LRP5: variants seen among roughly 807,000 people sequenced by gnomAD.
The protein encoded by LRP5 is LDL receptor related protein 5, also known as low-density lipoprotein receptor-related protein 5.
A neutral mutation model predicts 154.1 loss-of-function variants in LRP5; 62 were observed. That is an observed-to-expected ratio of 0.40 (90% CI 0.33 to 0.50). The LOEUF (loss-of-function observed/expected upper bound fraction) is 0.50, where lower values mean the gene tolerates loss of function less well. LRP5 is among the 20% of genes least tolerant of loss of function. The pLI is 0.55. For synonymous variants in LRP5, 966 were observed against 1,011.5 expected (o/e 0.96, Z 0.85); for missense variants, 1,915 against 2,336.7 (o/e 0.82, Z 3.72).
the LRP5 span, among the ~76,000 whole-genome samples, chr11:68,302,345 CAAAA>C: frequency 9.5e-5 from 8 of 84,424 alleles, no homozygotes; most frequent in Non-Finnish European, 6.7e-5. Flanking sequence ...GACTCCATCT[CAAAA>C]AAAAAAAAAA....
chr11:68,348,261 T>C lies in LRP5; in HGVS notation c.488+18T>C. ...GCTCACGGGTAAACCCTGCTGCGACTCCACCTGGGTCCAGGGGGCGGGGAG... is the reference window on the plus strand; with the variant it reads ...GCTCACGGGTAAACCCTGCTGCGACCCCACCTGGGTCCAGGGGGCGGGGAG... On this transcript the variant is annotated intron_variant, in intron 2 of 22. Transcript: ENST00000294304. 6.2e-7 allele frequency: 1 copy of C among 1,601,790 alleles called. No individual in the cohort carries two copies. The highest frequency in any genetic ancestry group is 2.2e-5 in the East Asian group (1 of 44,878).
intron 1 of LRP5, among the ~76,000 whole-genome samples, chr11:68,344,236 T>C (rs577121375): frequency 1.5e-4 from 23 of 152,330 alleles, no homozygotes; most frequent in African/African-American, 5.1e-4. Context: ...ATAAATGCCT[T>C]AGCTGTGACC....
chr11:68,411,772 C>T lies in LRP5; in HGVS notation c.2503+152C>T. Reference sequence around the variant, plus strand: ...CCCACGACTGCCCAGCAGCCTCACCCTCTGCTGTGGGAGTTGTCCCCGTCC... The same window carrying T: ...CCCACGACTGCCCAGCAGCCTCACCTTCTGCTGTGGGAGTTGTCCCCGTCC... On this transcript the variant is annotated intron_variant, in intron 11 of 22. Coordinates refer to ENST00000294304, the MANE Select transcript of LRP5 (RefSeq NM_002335.4). 4.9e-6 allele frequency: 4 copies of T among 819,754 alleles called. No individual in the cohort carries two copies. In the South Asian group the frequency reaches 7.2e-5, roughly 15 times the overall value. 50.8% of individuals were successfully genotyped at this position (819,754 alleles called of 1,614,324 possible).
At chr11:68,391,789 C>T (rs982579900) in intron 7 of LRP5, among the ~76,000 whole-genome samples, 1 of 152,270 alleles carries the variant, frequency 6.6e-6, no homozygotes, top group African/African-American at 2.4e-5. Context: ...AGGTCAGGGA[C>T]TCGCGTGTCT....
intron 2 of LRP5, among the ~76,000 whole-genome samples, chr11:68,355,669 T>C (rs920892052): frequency 6.6e-6 from 1 of 152,150 alleles, no homozygotes; most frequent in Admixed American, 6.5e-5. Flanking sequence ...TCTGCTCACT[T>C]TGTCTTGGTT....
chr11:68,365,814 T>C (rs1292850445), intron 5 of LRP5, 112 bp downstream of exon 5: 17 of 1,124,008 alleles, frequency 1.5e-5, no homozygotes, highest in African/African-American at 1.6e-5. Flanking sequence ...TTCGAAATGA[T>C]CCACTTGGCG....
intron 9 of LRP5, among the ~76,000 whole-genome samples, chr11:68,409,087 T>TAC (rs1432023998): frequency 1.4e-4 from 6 of 43,226 alleles, no homozygotes; most frequent in African/African-American, 4.3e-4. Flanking sequence ...TATATATATA[T>TAC]ATATATATAC....
intron 17 of LRP5, among the ~76,000 whole-genome samples, chr11:68,430,982 C>T (rs376352331): frequency 4.6e-5 from 7 of 152,210 alleles, no homozygotes; most frequent in Admixed American, 4.6e-4. Context: ...GGGCACTCCA[C>T]CTGGACCCTG....
upstream of LRP5, chr11:68,312,552 C>T: frequency 6.2e-6 from 1 of 160,794 alleles, no homozygotes; most frequent in Non-Finnish European, 1.3e-5. Context: ...GGAGACGCGG[C>T]GCGGCTTCCG....
At chr11:68,374,230 C>T (rs2098636071) in intron 5 of LRP5, among the ~76,000 whole-genome samples, 2 of 152,232 alleles carry the variant, frequency 1.3e-5, no homozygotes, top group South Asian at 4.1e-4. Context: ...CTCCGTCTGT[C>T]CGGGCGGATT....
At chr11:68,351,791 G>A (rs1385721638) in intron 2 of LRP5, among the ~76,000 whole-genome samples, 5 of 152,190 alleles carry the variant, frequency 3.3e-5, no homozygotes, top group Non-Finnish European at 5.9e-5. Flanking sequence ...CAGTGCTTGG[G>A]TGCTGTGGCG....
rs1451540921 is a variant in LRP5 at position 68,423,920 on chromosome 11, T to C, written c.3236+223T>C. Among the ~76,000 whole-genome samples the C allele has an allele frequency of 6.6e-6, 1 of 152,218 alleles. No homozygotes were observed. Among genetic ancestry groups the C allele is most frequent in the African/African-American group, 2.4e-5 (1 of 41,452 alleles). On this transcript the variant is annotated intron_variant, in intron 14 of 22. Transcript: ENST00000294304. This position sits in a 1 kb window ranked among gnomAD's most constrained non-coding sequence, Gnocchi z 4.7. ...GGAAGGGGGAGCTCTGCTGAGAGGT[T>C]ACAAGGCAGCGCTGGCCGACGGGAG...
chr11:68,331,013 G>A (rs1359661605), intron 1 of LRP5, among the ~76,000 whole-genome samples: 1 of 152,232 alleles, frequency 6.6e-6, no homozygotes, highest in African/African-American at 2.4e-5. Flanking sequence ...TGTTTCCTGA[G>A]TGGAAATGAA....
At chr11:68,422,637 C>A (rs997088184) in intron 13 of LRP5, among the ~76,000 whole-genome samples, 2 of 152,158 alleles carry the variant, frequency 1.3e-5, no homozygotes, top group African/African-American at 4.8e-5. Flanking sequence ...TGGACGGTGA[C>A]CCCAGAGAGT....
chr11:68,336,187 T>G (rs561788532), intron 1 of LRP5, among the ~76,000 whole-genome samples: 1 of 152,240 alleles, frequency 6.6e-6, no homozygotes, highest in African/African-American at 2.4e-5. Context: ...CAAGGAAAGG[T>G]ACAAGCCGAG....
At position 68,439,932 on chromosome 11, in the gene LRP5, G is replaced by C. The variant is rs943010604; in HGVS notation, c.4488+16G>C. 7 of 1,516,972 alleles carry C rather than the reference G, an allele frequency of 4.6e-6. No individual in the cohort carries two copies. The highest frequency in any genetic ancestry group is 2.0e-5 in the Admixed American group (1 of 50,022). 94.0% of individuals were successfully genotyped at this position (1,516,972 alleles called of 1,614,324 possible). On this transcript the variant is annotated intron_variant, in intron 21 of 22. Coordinates refer to ENST00000294304, the MANE Select transcript of LRP5 (RefSeq NM_002335.4). ...GTACCCGCCGGTGAGGGGCGGGGCCGGGGAGGGGCGGGGCGGGATGGGGCT... is the reference window on the plus strand; with the variant it reads ...GTACCCGCCGGTGAGGGGCGGGGCCCGGGAGGGGCGGGGCGGGATGGGGCT...
At chr11:68,322,755 T>G (rs551315759) in intron 1 of LRP5, among the ~76,000 whole-genome samples, 1 of 152,404 alleles carries the variant, frequency 6.6e-6, no homozygotes, top group East Asian at 1.9e-4. Flanking sequence ...CGAATTCTGC[T>G]GGAGCATGAG....
At chr11:68,407,052 G>T (rs2098656119) in intron 9 of LRP5, among the ~76,000 whole-genome samples, 2 of 151,874 alleles carry the variant, frequency 1.3e-5, no homozygotes, top group Non-Finnish European at 2.9e-5. Flanking sequence ...AATATTTGTT[G>T]TCCGTTGAGC....
In LRP5 at chr11:68,372,803, G is replaced by A. The variant is rs191453834; in HGVS notation, c.1015+7101G>A. Among the ~76,000 whole-genome samples, 7 of 152,234 alleles carry A rather than the reference G, an allele frequency of 4.6e-5. 1 individual carries two copies. Among genetic ancestry groups the A allele is most frequent in the Admixed American group, 4.6e-4 (7 of 15,290 alleles). On this transcript the variant is annotated intron_variant, in intron 5 of 22. Transcript: ENST00000294304. Reference sequence around the variant, plus strand: ...GCTGGGGTGGGTGAAGGGGCAGTGGGGAGCACGGCTCACACGGCCAGCGGG... The same window carrying A: ...GCTGGGGTGGGTGAAGGGGCAGTGGAGAGCACGGCTCACACGGCCAGCGGG...
Sources: allele counts gnomAD v4.1 joint callset (sites outside exome capture counted in the v4.1 genomes callset), GRCh38; gene constraint gnomAD v4.1.1; non-coding constraint Gnocchi (gnomAD v3.1); transcripts MANE v1.5; gene names NCBI Gene and HGNC (gene_info 2026-07-23, HGNC 2026-07-21).